Variants in SYBU observed in about 807,000 individuals in gnomAD.
The protein encoded by SYBU is GOLSYN A protein.
In SYBU, 21 loss-of-function variants were observed where a neutral mutation model predicts 35.9. That is an observed-to-expected ratio of 0.58 (90% CI 0.41 to 0.84). The LOEUF is 0.84. Ranked by LOEUF, SYBU falls within the 40% of genes least tolerant of loss-of-function variation. The probability of loss-of-function intolerance (pLI) is 0.00; values close to 1 mark genes in which losing one functional copy is unlikely to be tolerated. For missense variants in SYBU, 768 were observed against 848.2 expected (o/e 0.91, Z 1.17); for synonymous variants, 319 against 324.3 (o/e 0.98, Z 0.18).
intron 3 of SYBU, among the ~76,000 whole-genome samples, chr8:109,591,572 C>T (rs1483630800): frequency 1.6e-5 from 2 of 123,982 alleles, no homozygotes; most frequent in African/African-American, 6.4e-5. Flanking sequence ...AGTGCAGTGG[C>T]GCAATCTCGG....
chr8:109,667,198 C>T (rs780449171), intron 1 of SYBU, among the ~76,000 whole-genome samples: 3 of 151,546 alleles, frequency 2.0e-5, no homozygotes, highest in African/African-American at 4.9e-5. Context: ...CTCACTGAAA[C>T]CTCCACCTCC....
In SYBU at chr8:109,574,657, C is replaced by G; in HGVS notation, c.*249G>C. On this transcript the variant is annotated 3_prime_UTR_variant, in exon 7 of 7. Transcript: ENST00000276646. ...CTAGGATAAGAACGGGTACCTCAGACGACACGGCAGGGTCATGAGCATGCT... is the reference window on the plus strand; with the variant it reads ...CTAGGATAAGAACGGGTACCTCAGAGGACACGGCAGGGTCATGAGCATGCT... The G allele has an allele frequency of 2.6e-6, 1 of 379,936 alleles. No individual in the cohort carries two copies. Among genetic ancestry groups the G allele is most frequent in the East Asian group, 3.9e-5 (1 of 25,698 alleles). 23.5% of individuals were successfully genotyped at this position (379,936 alleles called of 1,614,324 possible).
intron 1 of SYBU, among the ~76,000 whole-genome samples, chr8:109,669,581 GA>G (rs1298440317): frequency 6.6e-6 from 1 of 152,134 alleles, no homozygotes; most frequent in Admixed American, 6.5e-5. Context: ...GTGCAAGTAA[GA>G]AAAATGTAAA....
chr8:109,635,592 C>G (rs1260748023), intron 2 of SYBU, among the ~76,000 whole-genome samples: 1 of 152,204 alleles, frequency 6.6e-6, no homozygotes, highest in Admixed American at 6.5e-5. Flanking sequence ...CTGCCCTTCT[C>G]CCCAATCCTG....
rs536419040 is a variant in SYBU at position 109,578,817 on chromosome 8, T to C, written c.735-800A>G. Among the ~76,000 whole-genome samples, 3 of 152,314 alleles carry C rather than the reference T, an allele frequency of 2.0e-5. No individual in the cohort carries two copies. In the East Asian group the frequency reaches 5.8e-4, roughly 29 times the overall value. ...GTGTGCCACTGCCTAAAGATCCTGATGGCTATTTGCTGAATGCAAGTTGTT... is the reference window on the plus strand; with the variant it reads ...GTGTGCCACTGCCTAAAGATCCTGACGGCTATTTGCTGAATGCAAGTTGTT... On this transcript the variant is annotated intron_variant, in intron 5 of 6. Transcript: ENST00000276646.
At chr8:109,614,278 C>T (rs927455948) in intron 3 of SYBU, among the ~76,000 whole-genome samples, 1 of 152,202 alleles carries the variant, frequency 6.6e-6, no homozygotes, top group Admixed American at 6.5e-5. Flanking sequence ...AGTAGGAAGT[C>T]AAGCCTTAAA....
intron 2 of SYBU, among the ~76,000 whole-genome samples, chr8:109,619,672 C>T (rs1384828094): frequency 6.6e-6 from 1 of 152,120 alleles, no homozygotes; most frequent in Non-Finnish European, 1.5e-5. Flanking sequence ...AAGAAGTTCA[C>T]CAGAACAATT....
chr8:109,603,460 A>G (rs1185083542), intron 3 of SYBU: 7 of 972,568 alleles, frequency 7.2e-6, no homozygotes, highest in Non-Finnish European at 8.6e-6. Context: ...GGCACAAAGC[A>G]CATGTTCCCA....
chr8:109,681,803 T>G (rs1179431668), upstream of SYBU, among the ~76,000 whole-genome samples: 1 of 152,174 alleles, frequency 6.6e-6, no homozygotes, highest in African/African-American at 2.4e-5. Context: ...TGAATTGTAG[T>G]TCCCATAAAC....
intron 1 of SYBU, among the ~76,000 whole-genome samples, chr8:109,673,919 G>A (rs1210895378): frequency 6.6e-6 from 1 of 152,156 alleles, no homozygotes; most frequent in Non-Finnish European, 1.5e-5. Flanking sequence ...TGATATAGCA[G>A]AAGATATATC....
intron 3 of SYBU, among the ~76,000 whole-genome samples, chr8:109,613,127 A>T (rs1386029511): frequency 6.6e-6 from 1 of 152,096 alleles, no homozygotes; most frequent in African/African-American, 2.4e-5. Context: ...CTGTAAACTC[A>T]TACTCCTGTC....
At chr8:109,621,569 G>A (rs1185415210) in intron 2 of SYBU, among the ~76,000 whole-genome samples, 1 of 152,140 alleles carries the variant, frequency 6.6e-6, no homozygotes, top group Non-Finnish European at 1.5e-5. Flanking sequence ...TATAAGACAT[G>A]GTCTTTCATT....
chr8:109,609,933 T>A (rs1230191535), intron 3 of SYBU, among the ~76,000 whole-genome samples: 2 of 152,136 alleles, frequency 1.3e-5, no homozygotes, highest in African/African-American at 4.8e-5. Flanking sequence ...TAATCCAAGC[T>A]CTACAGAGTC....
chr8:109,574,779 T>C lies in SYBU; in HGVS notation c.*127A>G. On this transcript the variant is annotated 3_prime_UTR_variant, in exon 7 of 7. Coordinates refer to ENST00000276646, the MANE Select transcript of SYBU (RefSeq NM_001099754.2). ...ACAGTGAACAGGCTTCAACTAAATA[T>C]AGTGCAAATCAAATACCAAGGAGCA... is the stretch of plus-strand genomic sequence containing the variant. 3.8e-6 allele frequency: 4 copies of C among 1,056,804 alleles called. No individual in the cohort carries two copies. The Admixed American group carries it at 8.0e-5, about 21-fold the overall frequency. The allele number at this position is 1,056,804 out of a possible 1,614,324, so 65.5% of individuals were successfully genotyped here.
chr8:109,588,430 C>T (rs542278556), intron 3 of SYBU, among the ~76,000 whole-genome samples: 18 of 152,318 alleles, frequency 1.2e-4, no homozygotes. Context: ...TCCTCTCTTA[C>T]CTTCTGTACA....
At chr8:109,650,014 G>A (rs1302196910) in intron 1 of SYBU, among the ~76,000 whole-genome samples, 1 of 152,158 alleles carries the variant, frequency 6.6e-6, no homozygotes, top group Non-Finnish European at 1.5e-5. Flanking sequence ...GATGAATTCT[G>A]GGGCTAATAG....
intron 4 of SYBU, among the ~76,000 whole-genome samples, chr8:109,582,800 G>C (rs761347578): frequency 6.6e-5 from 10 of 152,104 alleles, no homozygotes; most frequent in Non-Finnish European, 1.2e-4. Context: ...AGGCAGTTAG[G>C]GTGGGCCCTA....
At chr8:109,578,150 A>G (rs1822573959) in intron 5 of SYBU, 133 bp from the exon 6 acceptor site, 3 of 1,002,532 alleles carry the variant, frequency 3.0e-6, no homozygotes, top group Non-Finnish European at 4.3e-6. Context: ...TTACCCCAAT[A>G]TGACGGTATT....
In SYBU at chr8:109,584,724, C is replaced by T. The variant is rs543125172; in HGVS notation, c.530+1336G>A. On this transcript the variant is annotated intron_variant, in intron 4 of 6. Coordinates refer to ENST00000276646, the MANE Select transcript of SYBU (RefSeq NM_001099754.2). This position sits in a 1 kb window ranked among gnomAD's most constrained non-coding sequence, Gnocchi z 4.0. The stretch of plus-strand genomic sequence containing the variant: ...AAACTGTGCCCTGGGGGTCTCAGGT[C>T]GCCTTATAAACATCTGCTAAATCTT... Among the ~76,000 whole-genome samples the T allele has an allele frequency of 1.1e-4, 16 of 151,988 alleles. No individual in the cohort carries two copies. Among genetic ancestry groups the T allele is most frequent in the Non-Finnish European group, 2.1e-4 (14 of 68,016 alleles).
Sources: gnomAD v4.1 joint callset for allele counts (sites outside exome capture counted in the v4.1 genomes callset) on GRCh38, gnomAD v4.1.1 for gene constraint, Gnocchi (gnomAD v3.1) non-coding constraint, MANE v1.5 for transcripts, NCBI Gene and HGNC (gene_info 2026-07-23, HGNC 2026-07-21) for gene names.